MYBBP1A: variants seen among roughly 807,000 people sequenced by gnomAD.
The protein encoded by MYBBP1A is myb-binding protein 1A.
In MYBBP1A, 147 loss-of-function variants were observed where a neutral mutation model predicts 136.3. That is an observed-to-expected ratio of 1.08 (90% CI 0.94 to 1.24). MYBBP1A has a LOEUF of 1.24. Ranked by LOEUF, MYBBP1A falls within the 50% of genes most tolerant of loss-of-function variation. The pLI is 0.00. For synonymous variants in MYBBP1A, 947 were observed against 735.8 expected (o/e 1.29, Z -4.65); for missense variants, 2,060 against 1,727.4 (o/e 1.19, Z -3.41).
At chr17:4,544,703 T>C in intron 18 of MYBBP1A, 48 bp downstream of exon 18, 1 of 320,440 alleles carries the variant, frequency 3.1e-6, no homozygotes, top group East Asian at 1.0e-4. Flanking sequence ...GAGGCGGGGG[T>C]GGGCGCACAG....
At position 4,548,339 on chromosome 17, in the gene MYBBP1A, C is replaced by T; in HGVS notation, c.1557-29G>A. ...GGCAAGGGATGGGGCTTGGGGTCAG[C>T]AGACCAGATGAGTCAATGTAGCCGC... On this transcript the variant is annotated intron_variant, in intron 11 of 25. Coordinates refer to ENST00000254718, the MANE Select transcript of MYBBP1A (RefSeq NM_014520.4). The surrounding 1 kb of genome is among the most constrained non-coding windows in gnomAD (Gnocchi z 4.2). 6.2e-7 allele frequency: 1 copy of T among 1,608,966 alleles called. No homozygotes were observed. The highest frequency in any genetic ancestry group is 2.2e-5 in the East Asian group (1 of 44,844).
At chr17:4,547,388 CA>C (rs957268419) in intron 13 of MYBBP1A, among the ~76,000 whole-genome samples, 2 of 152,148 alleles carry the variant, frequency 1.3e-5, no homozygotes, top group African/African-American at 4.8e-5. Context: ...AACCTTTCCC[CA>C]AACAGCTCAT....
intron 25 of MYBBP1A, 72 bp downstream of exon 25, chr17:4,540,276 G>A (rs190209421): frequency 4.0e-6 from 6 of 1,515,216 alleles, no homozygotes; most frequent in East Asian, 2.3e-5. Flanking sequence ...TGTGCAGCGT[G>A]TGTGTGTGTG....
In MYBBP1A at chr17:4,548,530, A is replaced by G. The variant is rs138114989; in HGVS notation, c.1550T>C (p.Phe517Ser). The change falls in exon 11 of 26, where the codon TTC (phenylalanine) becomes TCC (serine). Residue 517 changes from phenylalanine to serine, a missense_variant. Coordinates refer to ENST00000254718, the MANE Select transcript of MYBBP1A (RefSeq NM_014520.4). This position sits in a 1 kb window ranked among gnomAD's most constrained non-coding sequence, Gnocchi z 4.2. ...TGGGCTGCCCAAGACTCACCTGAAG[A>G]AGGCACTGCTGACAGCCTCTCGGGC... is the stretch of plus-strand genomic sequence containing the variant. ...NQAREAVSSA[F>S]FSLLQTLSTQ... 5.4e-5 allele frequency: 87 copies of G among 1,614,042 alleles called. No homozygotes were observed. In the African/African-American group the frequency reaches 1.0e-3, roughly 19 times the overall value.
intron 8 of MYBBP1A, among the ~76,000 whole-genome samples, chr17:4,551,570 G>T (rs564802443): frequency 1.3e-5 from 2 of 152,178 alleles, no homozygotes; most frequent in Non-Finnish European, 1.5e-5. Flanking sequence ...TTAGCTGGGC[G>T]TGGTATTGGG....
In MYBBP1A at chr17:4,540,428, G is replaced by A. The variant is rs1172032629; in HGVS notation, c.3354C>T (p.Ser1118=). ...LLGVLQGQQQ[S]LQQGAHSTGS... is the part of the protein sequence containing the mutation. The stretch of plus-strand genomic sequence containing the variant: ...CGGTGGAGTGTGCCCCCTGCTGTAG[G>A]CTCTGCTGTTGCCCCTGCAGCACAC... Residue 1118 remains serine (S), a synonymous_variant, in exon 25 of 26, where the codon AGC becomes AGT. Transcript: ENST00000254718. The A allele has an allele frequency of 6.2e-7, 1 of 1,611,124 alleles. No individual in the cohort carries two copies. Among genetic ancestry groups the A allele is most frequent in the Admixed American group, 1.7e-5 (1 of 59,962 alleles).
At chr17:4,540,176 G>A (rs1597375931) in intron 25 of MYBBP1A, among the ~76,000 whole-genome samples, 172 bp downstream of exon 25, 1 of 123,676 alleles carries the variant, frequency 8.1e-6, no homozygotes, top group East Asian at 2.7e-4. Flanking sequence ...AGGGTCCTGT[G>A]AGGGTCCTAC....
At chr17:4,544,727 G>A in intron 18 of MYBBP1A, 24 bp downstream of exon 18, 1 of 1,515,932 alleles carries the variant, frequency 6.6e-7, no homozygotes, top group Non-Finnish European at 8.9e-7. Flanking sequence ...GGCGGGGGTG[G>A]GTGCGGCCCG....
rs2144406439 is a variant in MYBBP1A, at chr17:4,539,601, G to A, written c.3801C>T (p.Ser1267=). Residue 1267 remains serine (S), a synonymous_variant, in exon 26 of 26, where the codon TCC becomes TCT. Coordinates refer to ENST00000254718, the MANE Select transcript of MYBBP1A (RefSeq NM_014520.4). ...KPSQVNGAPG[S]PTEPAGQKQH... Reference sequence around the variant, plus strand: ...GCTTTTGGCCTGCAGGTTCCGTGGGGGACCCGGGAGCTCCATTCACCTGGG... The same window carrying A: ...GCTTTTGGCCTGCAGGTTCCGTGGGAGACCCGGGAGCTCCATTCACCTGGG... 1.9e-6 allele frequency: 3 copies of A among 1,614,080 alleles called. No homozygotes were observed. Among genetic ancestry groups the A allele is most frequent in the Non-Finnish European group, 2.5e-6 (3 of 1,180,022 alleles).
At chr17:4,544,675 CG>C in intron 18 of MYBBP1A, 29 bp from the exon 19 acceptor site, 1 of 1,050,492 alleles carries the variant, frequency 9.5e-7, no homozygotes, top group South Asian at 1.6e-5. Flanking sequence ...GTCAGCAACA[CG>C]GGGGTGGGCG....
In MYBBP1A at chr17:4,552,158, T is replaced by C; in HGVS notation, c.872A>G (p.Gln291Arg). ...CCAGAACTGCATCTTCAGCAGCCCT[T>C]GTTCCACCACCTCCTTCCAGAACCG... Reference protein sequence around the residue: ...FPRFWKEVVEQGLLKMQFWPA... With the variant: ...FPRFWKEVVERGLLKMQFWPA... Residue 291 changes from glutamine to arginine, a missense_variant, in exon 7 of 26, where the codon CAA (glutamine) becomes CGA (arginine). Gln to Arg is a conservative substitution (Grantham distance 43). Transcript: ENST00000254718. This position sits in a 1 kb window ranked among gnomAD's most constrained non-coding sequence, Gnocchi z 4.7. 1 of 1,614,226 alleles carries C rather than the reference T, an allele frequency of 6.2e-7. No individual in the cohort carries two copies. The highest frequency in any genetic ancestry group is 1.1e-5 in the South Asian group (1 of 91,088).
rs1906941040 is a variant in MYBBP1A, at chr17:4,545,667, GCTCCGGGCCAC to G, written c.2005_2015del (p.Val669ArgfsTer27). On this transcript the variant is annotated frameshift_variant, in exon 15 of 26. Coordinates refer to ENST00000254718, the MANE Select transcript of MYBBP1A (RefSeq NM_014520.4). LOFTEE classifies it high-confidence loss of function. ...GGTGGGAGCAGATGTGGCCAAACAC[GCTCCGGGCCAC>G]CTGGCGCATGAGGTGGCTGGGCTGG... is the stretch of plus-strand genomic sequence containing the variant. 6.2e-7 allele frequency: 1 copy of G among 1,611,092 alleles called. No homozygotes were observed. The highest frequency in any genetic ancestry group is 1.3e-5 in the African/African-American group (1 of 74,908).
At chr17:4,543,757 C>G (rs1319103717) in intron 19 of MYBBP1A, among the ~76,000 whole-genome samples, 1 of 152,088 alleles carries the variant, frequency 6.6e-6, no homozygotes, top group Non-Finnish European at 1.5e-5. Flanking sequence ...GCAGGTCTAC[C>G]AGGTGCCTGC....
chr17:4,546,432 G>A (rs1256592622), intron 13 of MYBBP1A, among the ~76,000 whole-genome samples: 4 of 152,026 alleles, frequency 2.6e-5, no homozygotes, highest in East Asian at 3.9e-4. Context: ...GCTAGCTGAC[G>A]GCTTTTTCAC....
At chr17:4,547,716 G>A (rs952361421) in intron 13 of MYBBP1A, 1 of 441,482 alleles carries the variant, frequency 2.3e-6, no homozygotes, top group African/African-American at 2.0e-5. Flanking sequence ...GAGAGGGGGT[G>A]TCTGCCTCAA....
rs902120573 is a variant in MYBBP1A, at chr17:4,552,818, A to T, written c.562-192T>A. Among the ~76,000 whole-genome samples, 1 of 133,384 alleles carries T rather than the reference A, an allele frequency of 7.5e-6. No homozygotes were observed. The highest frequency in any genetic ancestry group is 2.7e-5 in the African/African-American group (1 of 36,672). The allele number at this position is 133,384 out of a possible 152,430, so 87.5% of individuals were successfully genotyped here. A position where few individuals can be genotyped will look rare whatever the true frequency, so the allele number is the denominator to read the frequency against. ...CCCACTGACGCTAACTGGCCCCTGG[A>T]GGTACCTGCCCCCCACCCCTTATTT... On this transcript the variant is annotated intron_variant, in intron 5 of 25. Coordinates refer to ENST00000254718, the MANE Select transcript of MYBBP1A (RefSeq NM_014520.4). The surrounding 1 kb of genome is among the most constrained non-coding windows in gnomAD (Gnocchi z 4.7).
Position 4,543,027 on chromosome 17 carries a change from G to A in MYBBP1A, c.2778C>T (p.Ala926=), listed in dbSNP as rs1158392418. Residue 926 remains alanine (A), a synonymous_variant, in exon 20 of 26, where the codon GCC becomes GCT. Transcript: ENST00000254718. ...DSPTALYHFN[A]SLYLLRVLKG... is the part of the protein sequence containing the mutation. ...TCAAGACCCGGAGCAGGTAGAGAGA[G>A]GCGTTGAAGTGGTAGAGGGCGGTGG... 1 of 1,613,878 alleles carries A rather than the reference G, an allele frequency of 6.2e-7. No individual in the cohort carries two copies.
At chr17:4,542,187 A>AC in intron 22 of MYBBP1A, 1 of 585,004 alleles carries the variant, frequency 1.7e-6, no homozygotes, top group Non-Finnish European at 3.0e-6. Flanking sequence ...AGCAGACACT[A>AC]CCAGGGGCAT....
Position 4,539,221 on chromosome 17 carries a change from C to A in MYBBP1A, c.*194G>T. The A allele has an allele frequency of 6.8e-7, 1 of 1,461,610 alleles. No individual in the cohort carries two copies. The allele number at this position is 1,461,610 out of a possible 1,614,324, so 90.5% of individuals were successfully genotyped here. A position where few individuals can be genotyped will look rare whatever the true frequency, so the allele number is the denominator to read the frequency against. ...CCGGGGGTGGGGAGGTCTCTGCACC[C>A]TGGGACCCCTGCAGGAATGGCTCAG... On this transcript the variant is annotated 3_prime_UTR_variant, in exon 26 of 26. Transcript: ENST00000254718.
Sources: allele counts gnomAD v4.1 joint callset (sites outside exome capture counted in the v4.1 genomes callset), GRCh38; gene constraint gnomAD v4.1.1; non-coding constraint Gnocchi (gnomAD v3.1); transcripts MANE v1.5; gene names NCBI Gene and HGNC (gene_info 2026-07-23, HGNC 2026-07-21).